The following CSNK1A1 variants were observed in gnomAD, a reference collection of about 807,000 sequenced individuals.
CSNK1A1 encodes the protein casein kinase 1 alpha 1.
In CSNK1A1, 7 loss-of-function variants were observed where a neutral mutation model predicts 46.1. The ratio of observed to expected loss-of-function variants is 0.15; its 90% CI spans 0.09 to 0.29. The LOEUF is 0.29. CSNK1A1 is among the 10% of genes least tolerant of loss of function. The pLI is 1.00. For missense variants in CSNK1A1, 96 were observed against 417.1 expected, an observed-to-expected ratio of 0.23 and a Z score of 6.71; for synonymous variants, 137 against 141.5, an observed-to-expected ratio of 0.97 and a Z score of 0.23.
rs767733326 is a variant in CSNK1A1 at position 149,541,456 on chromosome 5, C to A, written c.230+8619G>T. Among the ~76,000 whole-genome samples, 41 of 151,982 alleles carry A rather than the reference C, an allele frequency of 2.7e-4. 1 individual carries two copies. Among genetic ancestry groups the A allele is most frequent in the Non-Finnish European group, 5.0e-4 (34 of 67,992 alleles). On this transcript the variant is annotated intron_variant, in intron 2 of 9. Coordinates refer to ENST00000377843, the MANE Select transcript of CSNK1A1 (RefSeq NM_001892.6). ...GTGTGGCATGAGCTACCACACCCGG[C>A]CAGTCAACCAAAATTTTAAGAGCCA...
chr5:149,535,419 C>T (rs754316680), intron 2 of CSNK1A1, among the ~76,000 whole-genome samples: 9 of 152,140 alleles, frequency 5.9e-5, no homozygotes, highest in African/African-American at 1.7e-4. Context: ...TGTCCAAAGC[C>T]ATTACCACCC....
Position 149,528,529 on chromosome 5 carries a change from T to C in CSNK1A1, c.231-3358A>G, listed in dbSNP as rs376019796. Among the ~76,000 whole-genome samples, 13 of 152,308 alleles carry C rather than the reference T, an allele frequency of 8.5e-5. 1 individual carries two copies. Among genetic ancestry groups the C allele is most frequent in the African/African-American group, 3.1e-4 (13 of 41,572 alleles). ...TCACACACAGATTCAGAACCAGAAA[T>C]GGTCTTCTGCTTATTCCAATCTTAC... On this transcript the variant is annotated intron_variant, in intron 2 of 9. Coordinates refer to ENST00000377843, the MANE Select transcript of CSNK1A1 (RefSeq NM_001892.6).
In CSNK1A1 at chr5:149,498,216, C is replaced by G; in HGVS notation, c.1007-1356G>C. On this transcript the variant is annotated intron_variant, in intron 9 of 9. Coordinates refer to ENST00000377843, the MANE Select transcript of CSNK1A1 (RefSeq NM_001892.6). Reference sequence around the variant, plus strand: ...ATAATTCTAATATTTATTTCTTATGCATATATGCCCCTTTTTTTTTTTGGG... The same window carrying G: ...ATAATTCTAATATTTATTTCTTATGGATATATGCCCCTTTTTTTTTTTGGG... The G allele has an allele frequency of 3.0e-6, 3 of 984,778 alleles. No individual in the cohort carries two copies. In the South Asian group the frequency reaches 1.4e-4, roughly 46 times the overall value. The allele number at this position is 984,778 out of a possible 1,614,324, so 61.0% of individuals were successfully genotyped here.
In CSNK1A1 at chr5:149,493,810, A is replaced by G. The variant is rs1760585247; in HGVS notation, c.*3043T>C. Reference sequence around the variant, plus strand: ...TCTGCTGACACCACTTCTTTACTATACTTCATATAGATGTCCTCACATCTT... The same window carrying G: ...TCTGCTGACACCACTTCTTTACTATGCTTCATATAGATGTCCTCACATCTT... On this transcript the variant is annotated 3_prime_UTR_variant, in exon 10 of 10. Transcript: ENST00000377843. 3 of 152,194 alleles carry G rather than the reference A, an allele frequency of 2.0e-5. No individual in the cohort carries two copies. In the South Asian group the frequency reaches 6.2e-4, roughly 31 times the overall value. The allele number at this position is 152,194 out of a possible 1,614,324, so 9.4% of individuals were successfully genotyped here.
intron 2 of CSNK1A1, among the ~76,000 whole-genome samples, chr5:149,534,121 CA>C (rs1373278787): frequency 3.9e-5 from 6 of 151,968 alleles, no homozygotes; most frequent in Non-Finnish European, 7.4e-5. Flanking sequence ...TGGTAGATGA[CA>C]AGTGTAATAT....
In CSNK1A1 at chr5:149,519,575, G is replaced by A. The variant is rs564450550; in HGVS notation, c.456+715C>T. On this transcript the variant is annotated intron_variant, in intron 4 of 9. Transcript: ENST00000377843. Reference sequence around the variant, plus strand: ...AATTAGTTTCTAACTGCAATCATGCGCCACTAGCTAAAACCCAATCACCCC... The same window carrying A: ...AATTAGTTTCTAACTGCAATCATGCACCACTAGCTAAAACCCAATCACCCC... Among the ~76,000 whole-genome samples, 21 of 152,132 alleles carry A rather than the reference G, an allele frequency of 1.4e-4. No individual in the cohort carries two copies. The South Asian group carries it at 4.2e-3, about 30-fold the overall frequency.
At position 149,496,806 on chromosome 5, in the gene CSNK1A1, T is replaced by C; in HGVS notation, c.*47A>G. 1 of 1,553,340 alleles carries C rather than the reference T, an allele frequency of 6.4e-7. No individual in the cohort carries two copies. The highest frequency in any genetic ancestry group is 8.7e-7 in the Non-Finnish European group (1 of 1,150,124). ...ATTTCTAGATTTGGGGAGAAACAAA[T>C]GCTGCTCCGATCATCTGCTCTGCTT... On this transcript the variant is annotated 3_prime_UTR_variant, in exon 10 of 10. Transcript: ENST00000377843.
chr5:149,548,349 C>T (rs1181292941), intron 2 of CSNK1A1, among the ~76,000 whole-genome samples: 1 of 151,674 alleles, frequency 6.6e-6, no homozygotes, highest in Non-Finnish European at 1.5e-5. Flanking sequence ...GGTGGATCAC[C>T]TGAGGTCAGG....
chr5:149,498,652 C>A (rs1760730767), intron 9 of CSNK1A1: 2 of 985,250 alleles, frequency 2.0e-6, no homozygotes, highest in South Asian at 4.7e-5. Flanking sequence ...TCAAGTCTTG[C>A]AATTCTTCTT....
intron 2 of CSNK1A1, among the ~76,000 whole-genome samples, chr5:149,542,613 TA>T (rs1762286126): frequency 3.6e-4 from 4 of 11,242 alleles, no homozygotes; most frequent in South Asian, 3.7e-3. Flanking sequence ...TATATATATA[TA>T]TATATATATA....
chr5:149,532,982 T>C (rs1435157295), intron 2 of CSNK1A1, among the ~76,000 whole-genome samples: 1 of 152,232 alleles, frequency 6.6e-6, no homozygotes, highest in African/African-American at 2.4e-5. Context: ...AGCAATAACG[T>C]AGTCAACTAA....
At chr5:149,530,990 CA>C (rs1362585168) in intron 2 of CSNK1A1, among the ~76,000 whole-genome samples, 61 of 54,908 alleles carry the variant, frequency 1.1e-3, no homozygotes, top group Middle Eastern at 9.6e-3. Context: ...AACACATAAA[CA>C]AAAAAAAAAA....
At chr5:149,547,138 AC>A (rs1335561741) in intron 2 of CSNK1A1, among the ~76,000 whole-genome samples, 18 of 152,266 alleles carry the variant, frequency 1.2e-4, no homozygotes, top group Admixed American at 8.5e-4. Context: ...GCCTTACCAA[AC>A]CAGTTCACCA....
intron 2 of CSNK1A1, among the ~76,000 whole-genome samples, chr5:149,530,227 T>C (rs1761851340): frequency 2.0e-5 from 3 of 152,158 alleles, no homozygotes; most frequent in Admixed American, 2.0e-4. Flanking sequence ...CTGAGTAAAA[T>C]AATGAAAACT....
chr5:149,531,422 G>T (rs1352652720), intron 2 of CSNK1A1, among the ~76,000 whole-genome samples: 1 of 151,952 alleles, frequency 6.6e-6, no homozygotes, highest in African/African-American at 2.4e-5. Context: ...GAAGGCTGAG[G>T]CAGGAAAATT....
intron 6 of CSNK1A1, 98 bp downstream of exon 6, chr5:149,511,696 T>C: frequency 1.2e-6 from 1 of 828,478 alleles, no homozygotes; most frequent in South Asian, 1.7e-5. Context: ...CTCAGAAAAA[T>C]CTCAGACTTA....
chr5:149,497,243 A>T, intron 9 of CSNK1A1: 1 of 1,003,320 alleles, frequency 1.0e-6, no homozygotes, highest in Non-Finnish European at 1.2e-6. Context: ...TACAATTTTA[A>T]TCCTACCATA....
rs1561771622 is a variant in CSNK1A1 at position 149,541,993 on chromosome 5, A to AAAG, written c.230+8079_230+8081dup. ...CTCAAAAAAAAAAAAAAAAAAAAAA[A>AAAG]AAGATCTAGGTCCAGAAATGACTAA... On this transcript the variant is annotated intron_variant, in intron 2 of 9. Coordinates refer to ENST00000377843, the MANE Select transcript of CSNK1A1 (RefSeq NM_001892.6). Among the ~76,000 whole-genome samples, 164 of 149,210 alleles carry AAAG rather than the reference A, an allele frequency of 1.1e-3. 1 individual carries two copies. The highest frequency in any genetic ancestry group is 4.0e-3 in the African/African-American group (158 of 39,322).
intron 2 of CSNK1A1, among the ~76,000 whole-genome samples, chr5:149,549,153 C>A (rs1277668729): frequency 6.6e-6 from 1 of 152,178 alleles, no homozygotes; most frequent in Non-Finnish European, 1.5e-5. Context: ...GATTTACTGA[C>A]AAACTCAACA....
Sources: allele counts gnomAD v4.1 joint callset (sites outside exome capture counted in the v4.1 genomes callset), GRCh38; gene constraint gnomAD v4.1.1; transcripts MANE v1.5; gene names NCBI Gene and HGNC (gene_info 2026-07-23, HGNC 2026-07-21).